CPSF2: variants seen among roughly 807,000 people sequenced by gnomAD.
CPSF2 encodes the protein cleavage and polyadenylation specific factor 2.
In CPSF2, 51 loss-of-function variants were observed where a neutral mutation model predicts 84.2. The observed-to-expected ratio is 0.61, with a 90% CI of 0.48 to 0.77. The LOEUF (loss-of-function observed/expected upper bound fraction) is 0.77, where lower values mean the gene tolerates loss of function less well. Among genes scored for constraint, CPSF2 ranks in the 30% least tolerant of loss-of-function variants. The pLI is 0.00. For missense variants in CPSF2, 641 were observed against 929.4 expected (o/e 0.69, Z 4.03); for synonymous variants, 286 against 311.9 (o/e 0.92, Z 0.87).
At chr14:92,155,592 G>T (rs1012709627) in intron 11 of CPSF2, among the ~76,000 whole-genome samples, 2 of 152,124 alleles carry the variant, frequency 1.3e-5, no homozygotes, top group African/African-American at 4.8e-5. Flanking sequence ...ACGTGATCAA[G>T]ACTTTTTTCC....
intron 2 of CPSF2, among the ~76,000 whole-genome samples, chr14:92,130,012 T>C (rs2068895383): frequency 6.6e-6 from 1 of 152,164 alleles, no homozygotes; most frequent in African/African-American, 2.4e-5. Flanking sequence ...CTTCCCAAAG[T>C]GCTGGGATCA....
chr14:92,136,064 T>C (rs1019699182), intron 6 of CPSF2, among the ~76,000 whole-genome samples: 3 of 152,236 alleles, frequency 2.0e-5, no homozygotes, highest in Non-Finnish European at 2.9e-5. Context: ...AACTGCCCTG[T>C]ATGTTTAAAG....
rs2069510789 is a variant in CPSF2, at chr14:92,171,012, T to C, written c.*9268T>C. The C allele has an allele frequency of 6.6e-6, 1 of 152,264 alleles. No individual in the cohort carries two copies. Among genetic ancestry groups the C allele is most frequent in the Non-Finnish European group, 1.5e-5 (1 of 68,040 alleles). 9.4% of individuals were successfully genotyped at this position (152,264 alleles called of 1,614,324 possible). A position where few individuals can be genotyped will look rare whatever the true frequency, so the allele number is the denominator to read the frequency against. On this transcript the variant is annotated 3_prime_UTR_variant, in exon 16 of 16. Transcript: ENST00000298875. ...TTAATTAATGAGGAATTACGTATTT[T>C]GTGGGTAGCTATTTTGAGACTCTCA...
intron 2 of CPSF2, among the ~76,000 whole-genome samples, 189 bp downstream of exon 2, chr14:92,126,369 TTAAG>T (rs1346697473): frequency 5.9e-5 from 9 of 152,250 alleles, no homozygotes; most frequent in Non-Finnish European, 4.4e-5. Flanking sequence ...TAAGGAAGAC[TTAAG>T]TAGAAAAGAG....
chr14:92,147,797 C>T (rs946985023), intron 9 of CPSF2, among the ~76,000 whole-genome samples: 8 of 152,222 alleles, frequency 5.3e-5, no homozygotes, highest in African/African-American at 1.9e-4. Context: ...GATCATAGCT[C>T]ACTGCAGTCT....
chr14:92,139,748 A>G (rs2069050226), intron 7 of CPSF2, among the ~76,000 whole-genome samples: 1 of 151,478 alleles, frequency 6.6e-6, no homozygotes, highest in South Asian at 2.1e-4. Context: ...CATGTTGGCC[A>G]GGCTGGTGTT....
Position 92,167,898 on chromosome 14 carries a change from T to TTG in CPSF2, c.*6155_*6156insGT, listed in dbSNP as rs2069470252. 1 of 151,626 alleles carries TTG rather than the reference T, an allele frequency of 6.6e-6. No homozygotes were observed. The highest frequency in any genetic ancestry group is 1.9e-4 in the East Asian group (1 of 5,146). 9.4% of individuals were successfully genotyped at this position (151,626 alleles called of 1,614,324 possible). On this transcript the variant is annotated 3_prime_UTR_variant, in exon 16 of 16. Transcript: ENST00000298875. Reference sequence around the variant, plus strand: ...ATTGAGAGGTTAATTGCAGGTTTTTTTTTTTTTTTTTTCTGGTAACCATAG... The same window carrying TTG: ...ATTGAGAGGTTAATTGCAGGTTTTTTTGTTTTTTTTTTTTCTGGTAACCATAG...
In CPSF2 at chr14:92,149,760, A is replaced by G. The variant is rs1044843917; in HGVS notation, c.1141-4598A>G. Among the ~76,000 whole-genome samples the G allele has an allele frequency of 2.0e-5, 3 of 151,964 alleles. No individual in the cohort carries two copies. In the East Asian group the frequency reaches 5.8e-4, roughly 30 times the overall value. On this transcript the variant is annotated intron_variant, in intron 9 of 15. Transcript: ENST00000298875. Reference sequence around the variant, plus strand: ...AACCTCCGCCTCCCAGGTTCAAGTGATTCTCCTGCTTCAGCCTCCTGAGTA... The same window carrying G: ...AACCTCCGCCTCCCAGGTTCAAGTGGTTCTCCTGCTTCAGCCTCCTGAGTA...
At chr14:92,130,884 C>T in intron 2 of CPSF2, 67 bp from the exon 3 acceptor site, 1 of 944,028 alleles carries the variant, frequency 1.1e-6, no homozygotes, top group Non-Finnish European at 1.5e-6. Flanking sequence ...TAATTTTAAT[C>T]AATTTGTTTA....
In CPSF2 at chr14:92,134,070, C is replaced by T. The variant is rs2068968749; in HGVS notation, c.209C>T (p.Ala70Val). Residue 70 changes from alanine to valine, a missense_variant, in exon 4 of 16, where the codon GCC becomes GTC. Coordinates refer to ENST00000298875, the MANE Select transcript of CPSF2 (RefSeq NM_017437.3). ...CACCCTGATCCTCTCCACCTTGGTG[C>T]CCTCCCGTATGCTGTCGGAAAGTTG... Reference protein sequence around the residue: ...LSHPDPLHLGALPYAVGKLGL... With the variant: ...LSHPDPLHLGVLPYAVGKLGL... 6.2e-7 allele frequency: 1 copy of T among 1,614,016 alleles called. No individual in the cohort carries two copies. Among genetic ancestry groups the T allele is most frequent in the African/African-American group, 1.3e-5 (1 of 74,918 alleles).
At chr14:92,129,653 A>G (rs1338753432) in intron 2 of CPSF2, among the ~76,000 whole-genome samples, 3 of 152,342 alleles carry the variant, frequency 2.0e-5, no homozygotes, top group East Asian at 1.9e-4. Flanking sequence ...GAATATTTTC[A>G]TAACTTCTGC....
Position 92,162,506 on chromosome 14 carries a change from GGTCCT to G in CPSF2, c.*765_*769del, listed in dbSNP as rs1259609756. The stretch of plus-strand genomic sequence containing the variant: ...TTAGAAACATCTTAGCCGTAAGTTA[GGTCCT>G]GTGTTAAACTGTTTAGTGCTCTGTT... On this transcript the variant is annotated 3_prime_UTR_variant, in exon 16 of 16. Transcript: ENST00000298875. 1.3e-5 allele frequency: 2 copies of G among 152,260 alleles called. No homozygotes were observed. Among genetic ancestry groups the G allele is most frequent in the Non-Finnish European group, 2.9e-5 (2 of 68,022 alleles). 9.4% of individuals were successfully genotyped at this position (152,260 alleles called of 1,614,324 possible). A position where few individuals can be genotyped will look rare whatever the true frequency, so the allele number is the denominator to read the frequency against.
At chr14:92,126,087 A>AT (rs747526603) in intron 1 of CPSF2, 35 bp from the exon 2 acceptor site, 3 of 152,238 alleles carry the variant, frequency 2.0e-5, no homozygotes, top group Non-Finnish European at 2.9e-5. Context: ...TGAAATCATA[A>AT]TACCACATTC....
chr14:92,155,624 A>C (rs1214967980), intron 11 of CPSF2, among the ~76,000 whole-genome samples: 1 of 152,164 alleles, frequency 6.6e-6, no homozygotes, highest in Non-Finnish European at 1.5e-5. Flanking sequence ...AGAGAGGAAG[A>C]TGTAGGATAG....
rs1464079702 is a variant in CPSF2 at position 92,169,678 on chromosome 14, A to G, written c.*7934A>G. 3 of 143,714 alleles carry G rather than the reference A, an allele frequency of 2.1e-5. No homozygotes were observed. The Admixed American group carries it at 2.1e-4, about 10-fold the overall frequency. The allele number at this position is 143,714 out of a possible 1,614,324, so 8.9% of individuals were successfully genotyped here. On this transcript the variant is annotated 3_prime_UTR_variant, in exon 16 of 16. Coordinates refer to ENST00000298875, the MANE Select transcript of CPSF2 (RefSeq NM_017437.3). ...TTTTTTTTTTTTTTTTTTTGAGACA[A>G]ACTTGCAGGGAGAGAATTATGTGGC...
At chr14:92,148,990 A>G (rs975664457) in intron 9 of CPSF2, among the ~76,000 whole-genome samples, 1 of 152,180 alleles carries the variant, frequency 6.6e-6, no homozygotes, top group African/African-American at 2.4e-5. Flanking sequence ...TAGTAATTTT[A>G]TAATAGTACA....
chr14:92,156,846 G>T (rs544664300), intron 12 of CPSF2, among the ~76,000 whole-genome samples: 45 of 152,270 alleles, frequency 3.0e-4, no homozygotes, highest in African/African-American at 1.1e-3. Context: ...AATTGAATTG[G>T]TGGTGGTGGG....
rs1316387899 is a variant in CPSF2 at position 92,161,183 on chromosome 14, G to A, written c.2193G>A (p.Glu731=). ...LSDFKQVLLR[E]GIQAEFVGGV... The stretch of plus-strand genomic sequence containing the variant: ...ACTTCAAGCAAGTTCTCTTACGGGA[G>A]GGGATTCAAGCTGAATTTGTAGGAG... The change falls in exon 15 of 16, where the codon GAG becomes GAA. Residue 731 remains glutamate, a synonymous_variant. Coordinates refer to ENST00000298875, the MANE Select transcript of CPSF2 (RefSeq NM_017437.3). The A allele has an allele frequency of 1.2e-6, 2 of 1,613,916 alleles. No homozygotes were observed. Among genetic ancestry groups the A allele is most frequent in the South Asian group, 2.2e-5 (2 of 91,056 alleles).
At chr14:92,132,790 A>G (rs1397581932) in intron 3 of CPSF2, among the ~76,000 whole-genome samples, 1 of 151,004 alleles carries the variant, frequency 6.6e-6, no homozygotes, top group Non-Finnish European at 1.5e-5. Flanking sequence ...AAACAAAAAA[A>G]ACAAAAAGAG....
Sources: gnomAD v4.1 joint callset for allele counts (sites outside exome capture counted in the v4.1 genomes callset) on GRCh38, gnomAD v4.1.1 for gene constraint, MANE v1.5 for transcripts, NCBI Gene and HGNC (gene_info 2026-07-23, HGNC 2026-07-21) for gene names.